The following CECR2 variants were observed in gnomAD, a reference collection of about 807,000 sequenced individuals.
The protein encoded by CECR2 is CECR2 histone acetyl-lysine reader, also known as chromatin remodeling regulator CECR2.
Under a neutral mutation model 154.5 loss-of-function variants are expected in CECR2, and 30 were observed. That is an observed-to-expected ratio of 0.19 (90% CI 0.15 to 0.26). The LOEUF is 0.26. CECR2 is among the 10% of genes least tolerant of loss of function. The pLI is 1.00. For missense variants in CECR2, 1,743 were observed against 1,829.3 expected (o/e 0.95, Z 0.86); for synonymous variants, 725 against 683.7 (o/e 1.06, Z -0.94).
At chr22:17,519,818 A>G (rs1055560763) in intron 8 of CECR2, among the ~76,000 whole-genome samples, 1 of 146,626 alleles carries the variant, frequency 6.8e-6, no homozygotes, top group Non-Finnish European at 1.5e-5. Flanking sequence ...TTGAGACATA[A>G]TCTCACTCTG....
chr22:17,499,269 G>GT, intron 3 of CECR2, 141 bp from the exon 4 acceptor site: 1 of 960,912 alleles, frequency 1.0e-6, no homozygotes, highest in South Asian at 1.7e-5. Context: ...GATTACAGGC[G>GT]TGAGCCACCA....
intron 5 of CECR2, 50 bp downstream of exon 5, chr22:17,500,785 T>A: frequency 8.1e-7 from 1 of 1,234,174 alleles, no homozygotes; most frequent in Non-Finnish European, 1.1e-6. Flanking sequence ...GAAGGGACCT[T>A]AATTCATTTA....
chr22:17,484,173 G>C (rs1475517108), intron 2 of CECR2, among the ~76,000 whole-genome samples: 3 of 152,280 alleles, frequency 2.0e-5, no homozygotes, highest in African/African-American at 7.2e-5. Context: ...TATCCTTTAT[G>C]TTAAGCAATG....
intron 1 of CECR2, among the ~76,000 whole-genome samples, chr22:17,457,598 C>T (rs2054874298): frequency 6.6e-6 from 1 of 152,240 alleles, no homozygotes; most frequent in Non-Finnish European, 1.5e-5. Context: ...TTGCCTTGCA[C>T]ATGAGTGCTC....
intron 1 of CECR2, among the ~76,000 whole-genome samples, chr22:17,443,434 A>G (rs2054612945): frequency 6.6e-6 from 1 of 152,208 alleles, no homozygotes; most frequent in Non-Finnish European, 1.5e-5. Context: ...TTTAAGCAGC[A>G]GGAGTCTTAG....
chr22:17,463,945 A>AG (rs2054985577), intron 1 of CECR2, among the ~76,000 whole-genome samples: 1 of 152,172 alleles, frequency 6.6e-6, no homozygotes, highest in African/African-American at 2.4e-5. Context: ...AAGAAATAGC[A>AG]GTGCGGTGGT....
At chr22:17,512,827 G>A (rs143309267) in intron 8 of CECR2, among the ~76,000 whole-genome samples, 34 of 152,208 alleles carry the variant, frequency 2.2e-4, no homozygotes, top group African/African-American at 5.8e-4. Flanking sequence ...ATGAGAGAGC[G>A]TGGATCTGGC....
chr22:17,418,686 C>T (rs547959813), intron 1 of CECR2: 15 of 480,552 alleles, frequency 3.1e-5, no homozygotes, highest in South Asian at 6.1e-5. Context: ...CTCTAGTGCC[C>T]GGCGTCAGAC....
intron 1 of CECR2, among the ~76,000 whole-genome samples, chr22:17,429,556 A>AAAAG (rs1569077256): frequency 1.3e-5 from 2 of 150,274 alleles, no homozygotes; most frequent in Non-Finnish European, 3.0e-5. Flanking sequence ...AAAAACAAAA[A>AAAAG]CAAAGAAAAG....
chr22:17,488,104 A>G (rs2051804444), intron 2 of CECR2, among the ~76,000 whole-genome samples: 1 of 152,026 alleles, frequency 6.6e-6, no homozygotes, highest in South Asian at 2.1e-4. Context: ...CTGGTCTCAA[A>G]CTCCTGACCT....
chr22:17,395,081 G>A (rs77294200), intron 1 of CECR2, among the ~76,000 whole-genome samples: 8,014 of 152,222 alleles, frequency 0.053, 328 homozygotes, highest in African/African-American at 0.12. Flanking sequence ...TAACCCCAGT[G>A]TTGCCTTGTG....
intron 1 of CECR2, among the ~76,000 whole-genome samples, chr22:17,435,684 TAAAAAAAA>T (rs10694414): frequency 2.2e-5 from 2 of 90,928 alleles, no homozygotes; most frequent in African/African-American, 4.0e-5. Context: ...TTTTAATTCT[TAAAAAAAA>T]AAAAAAAAAA....
chr22:17,422,746 A>G (rs1279842416), intron 1 of CECR2, among the ~76,000 whole-genome samples: 2 of 149,660 alleles, frequency 1.3e-5, no homozygotes, highest in South Asian at 2.1e-4. Context: ...GTATTGATAC[A>G]TCCTTAAGCT....
rs758474701 is a variant in CECR2, at chr22:17,549,214, G to A, written c.3927G>A (p.Gln1309=). The change falls in exon 17 of 19, where the codon CAG becomes CAA. Residue 1309 remains glutamine, a synonymous_variant. Coordinates refer to ENST00000262608, the MANE Select transcript of CECR2 (RefSeq NM_001290047.2). ...ACCATAACGCAGCTACCAAGCGGCA[G>A]AGCTCGTTGTCAGCCAGCGAGTATC... ...LDNHNAATKR[Q]SSLSASEYLY... 3 of 1,614,062 alleles carry A rather than the reference G, an allele frequency of 1.9e-6. No individual in the cohort carries two copies. Among genetic ancestry groups the A allele is most frequent in the Non-Finnish European group, 2.5e-6 (3 of 1,179,906 alleles).
At position 17,499,554 on chromosome 22, in the gene CECR2, G is replaced by A. The variant is rs748003540; in HGVS notation, c.545+5G>A. On this transcript the variant is annotated splice_donor_5th_base_variant and intron_variant, in intron 4 of 18. Transcript: ENST00000262608. ...TGGAGAACTCTCTTTGAGCAGGTAT[G>A]TTCTTCAGTGTTAGGGCATGATAGC... 1.0e-5 allele frequency: 16 copies of A among 1,602,800 alleles called. No homozygotes were observed. The South Asian group carries it at 1.7e-4, about 17-fold the overall frequency.
intron 2 of CECR2, among the ~76,000 whole-genome samples, chr22:17,488,331 A>C (rs923538173): frequency 1.3e-5 from 2 of 152,180 alleles, no homozygotes; most frequent in South Asian, 4.1e-4. Context: ...AAGTACGTTC[A>C]TCGTGTCTTT....
chr22:17,466,407 T>A (rs2055032974), intron 1 of CECR2, among the ~76,000 whole-genome samples: 1 of 152,206 alleles, frequency 6.6e-6, no homozygotes, highest in East Asian at 1.9e-4. Context: ...GCATTTGGAT[T>A]CAAGGTAACT....
chr22:17,381,156 A>G lies in CECR2; in HGVS notation c.126+11247A>G, dbSNP rs1315138090. Among the ~76,000 whole-genome samples, 9 of 152,294 alleles carry G rather than the reference A, an allele frequency of 5.9e-5. 1 individual carries two copies. In the East Asian group the frequency reaches 7.7e-4, roughly 13 times the overall value. ...ATTTCACCTGTTGTCATAATAAAGGAATTTAATTTTGGATTATTTTCCACT... is the reference window on the plus strand; with the variant it reads ...ATTTCACCTGTTGTCATAATAAAGGGATTTAATTTTGGATTATTTTCCACT... On this transcript the variant is annotated intron_variant, in intron 1 of 18. Coordinates refer to ENST00000262608, the MANE Select transcript of CECR2 (RefSeq NM_001290047.2).
intron 1 of CECR2, among the ~76,000 whole-genome samples, chr22:17,452,321 G>A (rs5746402): frequency 0.29 from 44,748 of 152,144 alleles, 9,303 homozygotes; most frequent in African/African-American, 0.56. Flanking sequence ...TGATCCACCC[G>A]CCTTGGCCTC....
Sources: gnomAD v4.1 joint callset for allele counts (sites outside exome capture counted in the v4.1 genomes callset) on GRCh38, gnomAD v4.1.1 for gene constraint, MANE v1.5 for transcripts, NCBI Gene and HGNC (gene_info 2026-07-23, HGNC 2026-07-21) for gene names.